Variants in CNTN5 observed in about 807,000 individuals in gnomAD.
CNTN5 encodes contactin 5.
A neutral mutation model predicts 129.1 loss-of-function variants in CNTN5; 77 were observed. The observed-to-expected ratio is 0.60, with a 90% CI of 0.50 to 0.72. The LOEUF is 0.72. Ranked by LOEUF, CNTN5 falls within the 30% of genes least tolerant of loss-of-function variation. The probability of loss-of-function intolerance (pLI) is 0.00; values close to 1 mark genes in which losing one functional copy is unlikely to be tolerated. For synonymous variants in CNTN5, 509 were observed against 465.6 expected (o/e 1.09, Z -1.20); for missense variants, 1,478 against 1,328.8 (o/e 1.11, Z -1.75).
At chr11:100,285,670 G>A (rs1171898279) in intron 18 of CNTN5, among the ~76,000 whole-genome samples, 1 of 152,150 alleles carries the variant, frequency 6.6e-6, no homozygotes, top group Non-Finnish European at 1.5e-5. Context: ...TTCCTACACT[G>A]TATTCCGTCC....
At chr11:100,028,422 G>A (rs1217521227) in intron 9 of CNTN5, among the ~76,000 whole-genome samples, 1 of 152,136 alleles carries the variant, frequency 6.6e-6, no homozygotes, top group African/African-American at 2.4e-5. Flanking sequence ...CTACATCATA[G>A]AGTTACTATT....
chr11:99,513,103 A>G (rs1341932360), intron 2 of CNTN5, among the ~76,000 whole-genome samples: 1 of 152,160 alleles, frequency 6.6e-6, no homozygotes, highest in East Asian at 1.9e-4. Context: ...AAAGAGAAAA[A>G]GCTTTATTGC....
intron 9 of CNTN5, among the ~76,000 whole-genome samples, chr11:100,019,454 C>G (rs1391041306): frequency 6.6e-6 from 1 of 151,926 alleles, no homozygotes; most frequent in Non-Finnish European, 1.5e-5. Flanking sequence ...ATTCGCGTTT[C>G]TATGTCTGGC....
At chr11:99,955,481 G>A (rs1267521351) in intron 7 of CNTN5, among the ~76,000 whole-genome samples, 1 of 152,020 alleles carries the variant, frequency 6.6e-6, no homozygotes, top group East Asian at 1.9e-4. Context: ...TGAAAGTTTT[G>A]GATTTTGTAT....
At chr11:99,933,530 T>C (rs1463807429) in intron 7 of CNTN5, among the ~76,000 whole-genome samples, 2 of 152,190 alleles carry the variant, frequency 1.3e-5, no homozygotes, top group Non-Finnish European at 2.9e-5. Flanking sequence ...ATCCCTGATA[T>C]TCATTGATGT....
chr11:99,334,633 T>C (rs570710257), intron 2 of CNTN5, among the ~76,000 whole-genome samples: 2 of 152,276 alleles, frequency 1.3e-5, no homozygotes, highest in South Asian at 4.1e-4. Context: ...AGATAGCTAC[T>C]AGCCACATGT....
chr11:100,353,816 A>T (rs999774558), intron 24 of CNTN5, among the ~76,000 whole-genome samples: 5 of 151,328 alleles, frequency 3.3e-5, no homozygotes, highest in Non-Finnish European at 7.4e-5. Flanking sequence ...GTGTGTGTGC[A>T]CGCCCATGTG....
At chr11:100,192,568 A>G (rs917252869) in intron 14 of CNTN5, among the ~76,000 whole-genome samples, 1 of 152,008 alleles carries the variant, frequency 6.6e-6, no homozygotes. Flanking sequence ...CCAATTGTTA[A>G]TCACTGTGTT....
chr11:99,529,049 T>C (rs1947599301), intron 2 of CNTN5, among the ~76,000 whole-genome samples: 1 of 152,166 alleles, frequency 6.6e-6, no homozygotes, highest in South Asian at 2.1e-4. Context: ...CACTCCAGCC[T>C]GGGCAACAAG....
At chr11:99,594,287 G>T (rs1262155130) in intron 3 of CNTN5, among the ~76,000 whole-genome samples, 1 of 152,142 alleles carries the variant, frequency 6.6e-6, no homozygotes, top group Non-Finnish European at 1.5e-5. Flanking sequence ...GGAGTGCTTT[G>T]GTTGGTAGCT....
chr11:99,645,368 T>A (rs2135858614), intron 3 of CNTN5, among the ~76,000 whole-genome samples: 1 of 151,632 alleles, frequency 6.6e-6, no homozygotes, highest in South Asian at 2.1e-4. Flanking sequence ...AATTGCCTAA[T>A]GTATATACCC....
chr11:99,945,465 A>C (rs999395432), intron 7 of CNTN5, among the ~76,000 whole-genome samples: 1 of 142,416 alleles, frequency 7.0e-6, no homozygotes, highest in Non-Finnish European at 1.5e-5. Context: ...GAAGGTAAAC[A>C]TAGCAAAAAA....
At chr11:100,137,134 T>TAAAG (rs768163490) in intron 13 of CNTN5, among the ~76,000 whole-genome samples, 22 of 152,030 alleles carry the variant, frequency 1.4e-4, no homozygotes, top group Non-Finnish European at 2.4e-4. Context: ...TATATTTTAC[T>TAAAG]AAAGAAAGAT....
chr11:99,897,004 C>G (rs1423314784), intron 6 of CNTN5, among the ~76,000 whole-genome samples: 1 of 152,106 alleles, frequency 6.6e-6, no homozygotes, highest in African/African-American at 2.4e-5. Context: ...GGGTACCAGC[C>G]CATCCCTCCC....
At position 100,061,227 on chromosome 11, in the gene CNTN5, C is replaced by T. The variant is rs1943463577; in HGVS notation, c.996C>T (p.Ile332=). 1.2e-6 allele frequency: 2 copies of T among 1,608,712 alleles called. No homozygotes were observed. The highest frequency in any genetic ancestry group is 1.3e-5 in the African/African-American group (1 of 74,826). ...CCTATCGTAGCCCCGTTCCAACAAT[C>T]ACATGGATGAAGGTTAATGGTTATA... The part of the protein sequence containing the change: ...CFALGNPVPT[I]TWMKVNGYIP... The change falls in exon 10 of 25, where the codon ATC becomes ATT. Residue 332 remains isoleucine, a synonymous_variant. Transcript: ENST00000524871.
chr11:99,420,457 C>A (rs914931382), intron 2 of CNTN5, among the ~76,000 whole-genome samples: 14 of 152,094 alleles, frequency 9.2e-5, no homozygotes, highest in African/African-American at 3.4e-4. Flanking sequence ...TAAGAATTTT[C>A]ATACATAATG....
At chr11:100,269,086 C>T (rs769565954) in intron 17 of CNTN5, among the ~76,000 whole-genome samples, 18 of 152,142 alleles carry the variant, frequency 1.2e-4, no homozygotes, top group Non-Finnish European at 2.2e-4. Context: ...GAAGACAAAA[C>T]GAAATCAGCA....
At chr11:99,743,178 CAGGAA>C (rs1565482256) in intron 3 of CNTN5, among the ~76,000 whole-genome samples, 1 of 152,112 alleles carries the variant, frequency 6.6e-6, no homozygotes, top group Non-Finnish European at 1.5e-5. Flanking sequence ...TCAATTATAT[CAGGAA>C]TTTGTACATT....
intron 13 of CNTN5, among the ~76,000 whole-genome samples, chr11:100,114,677 C>T (rs1945778879): frequency 6.6e-6 from 1 of 151,922 alleles, no homozygotes; most frequent in South Asian, 2.1e-4. Flanking sequence ...CTTGTCAGTC[C>T]TTGAAAAATG....
Sources: allele counts gnomAD v4.1 joint callset (sites outside exome capture counted in the v4.1 genomes callset), GRCh38; gene constraint gnomAD v4.1.1; transcripts MANE v1.5; gene names NCBI Gene and HGNC (gene_info 2026-07-23, HGNC 2026-07-21).